PCDHGA4: variants seen among roughly 807,000 people sequenced by gnomAD.
PCDHGA4 encodes protocadherin gamma subfamily A, 4, also known as protocadherin gamma-A4.
PCDHGA4 carries 38 observed loss-of-function variants against 54.6 expected under a neutral mutation model. That is an observed-to-expected ratio of 0.70 (90% confidence interval 0.54 to 0.91). PCDHGA4 has a LOEUF of 0.91. Ranked by LOEUF, PCDHGA4 falls within the 40% of genes least tolerant of loss-of-function variation. The probability of loss-of-function intolerance (pLI) is 0.00; values close to 1 mark genes in which losing one functional copy is unlikely to be tolerated. For missense variants in PCDHGA4, 1,298 were observed against 1,220.9 expected (o/e 1.06, Z -0.94); for synonymous variants, 511 against 512.9 (o/e 1.00, Z 0.05).
rs765454115 is a variant in PCDHGA4, at chr5:141,410,470, T to C, written c.2514+52849T>C. On this transcript the variant is annotated intron_variant, in intron 1 of 3. Coordinates refer to ENST00000571252, the MANE Select transcript of PCDHGA4 (RefSeq NM_018917.4). Reference sequence around the variant, plus strand: ...TGCCTTATTCTTATAATCTGTGCATTGCACATACGGGTACAAAAGAGTTTA... The same window carrying C: ...TGCCTTATTCTTATAATCTGTGCATCGCACATACGGGTACAAAAGAGTTTA... 1.9e-6 allele frequency: 3 copies of C among 1,613,922 alleles called. No individual in the cohort carries two copies. The African/African-American group carries it at 4.0e-5, about 22-fold the overall frequency.
rs750164473 is a variant in PCDHGA4 at position 141,432,286 on chromosome 5, C to G, written c.2515-62521C>G. Reference sequence around the variant, plus strand: ...TATCGTCCTACGTGTCCATCAACTCCGACACTGGGGTACTGTATGCGCTGA... The same window carrying G: ...TATCGTCCTACGTGTCCATCAACTCGGACACTGGGGTACTGTATGCGCTGA... On this transcript the variant is annotated intron_variant, in intron 1 of 3. Transcript: ENST00000571252. This position sits in a 1 kb window ranked among gnomAD's most constrained non-coding sequence, Gnocchi z 6.0. The G allele has an allele frequency of 6.2e-7, 1 of 1,614,252 alleles. No homozygotes were observed. The highest frequency in any genetic ancestry group is 1.3e-5 in the African/African-American group (1 of 75,070).
chr5:141,457,193 A>G (rs2154565853), intron 1 of PCDHGA4, among the ~76,000 whole-genome samples: 1 of 152,356 alleles, frequency 6.6e-6, no homozygotes, highest in African/African-American at 2.4e-5. Flanking sequence ...GAGTGAGGAA[A>G]GCAGTTCCCA....
chr5:141,483,716 G>C (rs772661472), intron 1 of PCDHGA4, among the ~76,000 whole-genome samples: 1 of 151,974 alleles, frequency 6.6e-6, no homozygotes, highest in Non-Finnish European at 1.5e-5. Context: ...CCAGAATATT[G>C]GTTCCCACCA....
At chr5:141,422,201 G>A in intron 1 of PCDHGA4, 1 of 1,562,386 alleles carries the variant, frequency 6.4e-7, no homozygotes, top group Non-Finnish European at 8.6e-7. Context: ...GGCCAAGATG[G>A]TGGAGGTCTC....
At chr5:141,446,061 AG>A (rs903957950) in intron 1 of PCDHGA4, among the ~76,000 whole-genome samples, 3 of 152,226 alleles carry the variant, frequency 2.0e-5, no homozygotes, top group African/African-American at 7.2e-5. Context: ...CTTGGATTAA[AG>A]GGGAGGCAGT....
In PCDHGA4 at chr5:141,355,063, C is replaced by T. The variant is rs902736924; in HGVS notation, c.-45C>T. The T allele has an allele frequency of 8.4e-6, 11 of 1,314,420 alleles. No homozygotes were observed. The African/African-American group carries it at 1.6e-4, about 19-fold the overall frequency. The allele number at this position is 1,314,420 out of a possible 1,614,324, so 81.4% of individuals were successfully genotyped here. The stretch of plus-strand genomic sequence containing the variant: ...GCAGCACAAAGCACTGGCTCTGGAG[C>T]TTTATGAAAGCTTCAAGCGGAAGCC... On this transcript the variant is annotated 5_prime_UTR_variant, in exon 1 of 4. Transcript: ENST00000571252.
chr5:141,364,182 A>G (rs1763205286), intron 1 of PCDHGA4: 1 of 942,924 alleles, frequency 1.1e-6, no homozygotes, highest in Non-Finnish European at 1.5e-6. Context: ...TGCTCCCTCC[A>G]TACTAAACAC....
chr5:141,355,408 G>A lies in PCDHGA4; in HGVS notation c.301G>A (p.Gly101Ser), dbSNP rs543235054. The change falls in exon 1 of 4, where the codon GGT becomes AGT. Residue 101 changes from glycine (G) to serine (S), a missense_variant. Gly to Ser is a moderately conservative substitution (Grantham distance 56). Coordinates refer to ENST00000571252, the MANE Select transcript of PCDHGA4 (RefSeq NM_018917.4). ...AERGVRIVSR[G>S]RTQLFALNPR... ...GCGCGGAGTCCGCATCGTCTCCAGA[G>A]GTAGGACGCAGCTTTTCGCCCTGAA... 3 of 1,614,114 alleles carry A rather than the reference G, an allele frequency of 1.9e-6. No individual in the cohort carries two copies. Among genetic ancestry groups the A allele is most frequent in the South Asian group, 1.1e-5 (1 of 91,086 alleles).
intron 1 of PCDHGA4, chr5:141,392,860 T>G (rs726684): frequency 0.19 from 299,729 of 1,611,996 alleles, 30,027 homozygotes; most frequent in Admixed American, 0.35. Context: ...CTGATCCTGC[T>G]GTGCGCGCTG....
chr5:141,400,384 G>A (rs1335444355), intron 1 of PCDHGA4: 2 of 1,614,054 alleles, frequency 1.2e-6, no homozygotes, highest in South Asian at 1.1e-5. Flanking sequence ...CCTATGTGTT[G>A]CACATACAGG....
At chr5:141,445,964 T>C (rs1199096510) in intron 1 of PCDHGA4, among the ~76,000 whole-genome samples, 2 of 152,280 alleles carry the variant, frequency 1.3e-5, no homozygotes, top group South Asian at 4.1e-4. Context: ...ATATGGAGAA[T>C]TGATTTATGA....
intron 1 of PCDHGA4, chr5:141,405,091 C>G (rs761186505): frequency 8.1e-6 from 13 of 1,613,814 alleles, no homozygotes; most frequent in Non-Finnish European, 1.1e-5. Flanking sequence ...CGCTGCTGGC[C>G]CTCAGGCTGA....
At chr5:141,427,444 G>T (rs1184893966) in intron 1 of PCDHGA4, 1 of 482,228 alleles carries the variant, frequency 2.1e-6, no homozygotes, top group South Asian at 1.5e-5. Flanking sequence ...ATAAACGAAA[G>T]AGTTCCTTTT....
intron 1 of PCDHGA4, chr5:141,400,006 G>T (rs758879836): frequency 1.9e-5 from 30 of 1,612,536 alleles, no homozygotes; most frequent in Non-Finnish European, 2.5e-5. Flanking sequence ...CACAGCGCGT[G>T]CCTTGGGCGA....
chr5:141,362,771 G>A (rs1239836690), intron 1 of PCDHGA4: 4 of 615,552 alleles, frequency 6.5e-6, no homozygotes, highest in African/African-American at 1.9e-5. Context: ...ATGAGATATT[G>A]CACTGTATTT....
At position 141,476,311 on chromosome 5, in the gene PCDHGA4, G is replaced by C. The variant is rs772962568; in HGVS notation, c.2515-18496G>C. ...ATCTCGGTAGCCTCTCAGCCCGCAGGTTCCGGGTGGTGTCTGGAGCTAGCC... is the reference window on the plus strand; with the variant it reads ...ATCTCGGTAGCCTCTCAGCCCGCAGCTTCCGGGTGGTGTCTGGAGCTAGCC... On this transcript the variant is annotated intron_variant, in intron 1 of 3. Transcript: ENST00000571252. The surrounding 1 kb of genome is among the most constrained non-coding windows in gnomAD (Gnocchi z 7.6). 18 of 1,613,680 alleles carry C rather than the reference G, an allele frequency of 1.1e-5. No homozygotes were observed. Among genetic ancestry groups the C allele is most frequent in the African/African-American group, 2.7e-5 (2 of 74,766 alleles).
intron 1 of PCDHGA4, chr5:141,404,696 G>T: frequency 6.2e-7 from 1 of 1,614,104 alleles, no homozygotes; most frequent in South Asian, 1.1e-5. Flanking sequence ...ACCCCGCTCT[G>T]CAGAGCCTGG....
chr5:141,469,553 G>A (rs989713451), intron 1 of PCDHGA4, among the ~76,000 whole-genome samples: 2 of 152,086 alleles, frequency 1.3e-5, no homozygotes, highest in African/African-American at 2.4e-5. Flanking sequence ...CCAGCCTGGC[G>A]ACAGAGTGAG....
At chr5:141,430,557 G>C (rs1161595629) in intron 1 of PCDHGA4, 5 of 412,906 alleles carry the variant, frequency 1.2e-5, no homozygotes, top group Non-Finnish European at 1.7e-5. Context: ...TTCACCAATC[G>C]GGGAGAGAAA....
Sources: gnomAD v4.1 joint callset for allele counts (sites outside exome capture counted in the v4.1 genomes callset) on GRCh38, gnomAD v4.1.1 for gene constraint, Gnocchi (gnomAD v3.1) non-coding constraint, MANE v1.5 for transcripts, NCBI Gene and HGNC (gene_info 2026-07-23, HGNC 2026-07-21) for gene names.